MYLK: variants seen among roughly 807,000 people sequenced by gnomAD.
MYLK encodes the protein myosin light chain kinase, smooth muscle.
In MYLK, 106 loss-of-function variants were observed where a neutral mutation model predicts 203.4. The ratio of observed to expected loss-of-function variants is 0.52; its 90% CI spans 0.45 to 0.61. The LOEUF (loss-of-function observed/expected upper bound fraction) is 0.61. MYLK is among the 20% of genes least tolerant of loss of function. The pLI, the probability that MYLK is intolerant of heterozygous loss-of-function variation, is 0.00. For missense variants in MYLK, 2,072 were observed against 2,442.3 expected (o/e 0.85, Z 3.20); for synonymous variants, 867 against 959.5 (o/e 0.90, Z 1.78).
At position 123,708,042 on chromosome 3, in the gene MYLK, C is replaced by T. The variant is rs184941753; in HGVS notation, c.2141-39G>A. ...AAGGGCAGAGCTAAACAGGGATGTC[C>T]CTCAGCAGGCAGTGTCCACTCAATT... On this transcript the variant is annotated intron_variant, in intron 15 of 33. Coordinates refer to ENST00000360304, the MANE Select transcript of MYLK (RefSeq NM_053025.4). 1.1e-3 allele frequency: 1,740 copies of T among 1,612,472 alleles called. 5 individuals carry two copies. Among genetic ancestry groups the T allele is most frequent in the Non-Finnish European group, 1.3e-3 (1,564 of 1,179,298 alleles).
At chr3:123,769,052 T>A (rs2108972691) in intron 4 of MYLK, among the ~76,000 whole-genome samples, 1 of 152,356 alleles carries the variant, frequency 6.6e-6, no homozygotes, top group African/African-American at 2.4e-5. Context: ...CATGTTGATC[T>A]GATCACAGTT....
chr3:123,643,404 T>C (rs1203237918), intron 27 of MYLK, among the ~76,000 whole-genome samples: 1 of 152,208 alleles, frequency 6.6e-6, no homozygotes, highest in Non-Finnish European at 1.5e-5. Flanking sequence ...ATCTGAGCCA[T>C]GGAGATAATT....
intron 3 of MYLK, among the ~76,000 whole-genome samples, chr3:123,820,572 G>GAT (rs1477064740): frequency 6.6e-6 from 1 of 151,822 alleles, no homozygotes; most frequent in Non-Finnish European, 1.5e-5. Flanking sequence ...CTAGCTTGCA[G>GAT]ATACCCATGG....
intron 13 of MYLK, among the ~76,000 whole-genome samples, chr3:123,710,613 G>C (rs1181829964): frequency 1.3e-5 from 2 of 152,158 alleles, no homozygotes; most frequent in African/African-American, 2.4e-5. Flanking sequence ...GGAAAAACTT[G>C]CATCTCTCAT....
intron 3 of MYLK, among the ~76,000 whole-genome samples, chr3:123,828,194 G>A (rs2066199516): frequency 6.6e-6 from 1 of 152,006 alleles, no homozygotes; most frequent in African/African-American, 2.4e-5. Flanking sequence ...CACACTACTA[G>A]ACCTCAAAAT....
chr3:123,677,607 G>T (rs778441223), intron 20 of MYLK, among the ~76,000 whole-genome samples: 6 of 152,010 alleles, frequency 3.9e-5, no homozygotes, highest in Non-Finnish European at 5.9e-5. Context: ...AGGAGTGCAC[G>T]AAGTGTTTTA....
At chr3:123,800,725 T>A in intron 3 of MYLK, among the ~76,000 whole-genome samples, 1 of 152,190 alleles carries the variant, frequency 6.6e-6, no homozygotes, top group East Asian at 1.9e-4. Context: ...ACTGTGGACA[T>A]CCGAATCGGC....
chr3:123,856,482 T>C (rs2031386676), intron 2 of MYLK, among the ~76,000 whole-genome samples: 1 of 152,250 alleles, frequency 6.6e-6, no homozygotes, highest in South Asian at 2.1e-4. Context: ...CATTTAACTA[T>C]ATTATCCATT....
chr3:123,824,456 T>C (rs902875989), intron 3 of MYLK, among the ~76,000 whole-genome samples: 2 of 152,186 alleles, frequency 1.3e-5, no homozygotes, highest in African/African-American at 4.8e-5. Flanking sequence ...GAAAATTACG[T>C]GAGAGCAGGG....
intron 2 of MYLK, among the ~76,000 whole-genome samples, chr3:123,842,457 T>A (rs915620850): frequency 1.4e-4 from 21 of 152,200 alleles, no homozygotes; most frequent in African/African-American, 5.1e-4. Context: ...CTCCCAAATT[T>A]GTCACCATGG....
chr3:123,619,068 T>C (rs535570209), intron 32 of MYLK, among the ~76,000 whole-genome samples: 2 of 152,252 alleles, frequency 1.3e-5, no homozygotes, highest in Non-Finnish European at 2.9e-5. Context: ...CATTTCATGC[T>C]GCTTTAGGAT....
chr3:123,699,823 C>A (rs1357756890), intron 18 of MYLK, among the ~76,000 whole-genome samples, 197 bp downstream of exon 18: 1 of 152,218 alleles, frequency 6.6e-6, no homozygotes, highest in Non-Finnish European at 1.5e-5. Context: ...ACCCAAGGCC[C>A]CTGAGCCGGG....
intron 3 of MYLK, among the ~76,000 whole-genome samples, chr3:123,803,527 G>A (rs1045923364): frequency 1.3e-5 from 2 of 152,084 alleles, no homozygotes; most frequent in East Asian, 3.9e-4. Flanking sequence ...CGGCCTGAAG[G>A]GTCTCTCTGG....
chr3:123,871,603 C>T (rs978069673), intron 2 of MYLK, among the ~76,000 whole-genome samples: 2 of 151,850 alleles, frequency 1.3e-5, no homozygotes, highest in African/African-American at 4.8e-5. Context: ...TACAAACTAC[C>T]GAAAATCACT....
chr3:123,876,899 G>A (rs578109774), intron 1 of MYLK, among the ~76,000 whole-genome samples: 1 of 152,222 alleles, frequency 6.6e-6, no homozygotes, highest in East Asian at 1.9e-4. Flanking sequence ...TAAAATTTTA[G>A]CATGAGAAAA....
At chr3:123,618,210 T>A in intron 33 of MYLK, 1 of 244,922 alleles carries the variant, frequency 4.1e-6, no homozygotes, top group South Asian at 5.2e-5. Context: ...TCACACAGCC[T>A]GTGGACGAGT....
rs564919339 is a variant in MYLK, at chr3:123,822,233, A to G, written c.-4+9315T>C. Among the ~76,000 whole-genome samples, 4 of 152,340 alleles carry G rather than the reference A, an allele frequency of 2.6e-5. No individual in the cohort carries two copies. The East Asian group carries it at 7.7e-4, about 29-fold the overall frequency. ...ATATTCTTTTACAGCAGCATAAAAT[A>G]GGCTAAGACAGGGTCTTCAGGCTAT... On this transcript the variant is annotated intron_variant, in intron 3 of 33. Coordinates refer to ENST00000360304, the MANE Select transcript of MYLK (RefSeq NM_053025.4).
At chr3:123,808,039 G>C (rs1264420451) in intron 3 of MYLK, among the ~76,000 whole-genome samples, 1 of 152,230 alleles carries the variant, frequency 6.6e-6, no homozygotes, top group Non-Finnish European at 1.5e-5. Context: ...AAATTACCTG[G>C]GGAGATGGAG....
At chr3:123,632,404 C>A (rs2058471706) in intron 29 of MYLK, among the ~76,000 whole-genome samples, 1 of 152,192 alleles carries the variant, frequency 6.6e-6, no homozygotes, top group Admixed American at 6.5e-5. Flanking sequence ...AACAACCCTG[C>A]TGTGGAATGC....
Sources: allele counts gnomAD v4.1 joint callset (sites outside exome capture counted in the v4.1 genomes callset), GRCh38; gene constraint gnomAD v4.1.1; transcripts MANE v1.5; gene names NCBI Gene and HGNC (gene_info 2026-07-23, HGNC 2026-07-21).